Variants in SOX5 observed in about 807,000 individuals in gnomAD.
SOX5 encodes the protein SRY-box transcription factor 5.
A neutral mutation model predicts 92.0 loss-of-function variants in SOX5; 9 were observed. The ratio of observed to expected loss-of-function variants is 0.10; its 90% confidence interval spans 0.06 to 0.17. The LOEUF (loss-of-function observed/expected upper bound fraction) is 0.17, where lower values mean the gene tolerates loss of function less well. Among genes scored for constraint, SOX5 ranks in the 10% least tolerant of loss-of-function variants. SOX5 has a pLI of 1.00. For synonymous variants in SOX5, 344 were observed against 336.3 expected (o/e 1.02, Z -0.25); for missense variants, 642 against 944.5 (o/e 0.68, Z 4.20).
chr12:23,963,824 T>C (rs2140049780), intron 4 of SOX5, among the ~76,000 whole-genome samples: 1 of 150,752 alleles, frequency 6.6e-6, no homozygotes, highest in South Asian at 2.1e-4. Flanking sequence ...AGCTTTTGGA[T>C]TAGAGGTATA....
chr12:23,768,765 T>C (rs2094823124), intron 3 of SOX5, among the ~76,000 whole-genome samples: 2 of 152,134 alleles, frequency 1.3e-5, no homozygotes, highest in African/African-American at 4.8e-5. Flanking sequence ...GTCATTGCAA[T>C]AAATTTGTAA....
intron 3 of SOX5, among the ~76,000 whole-genome samples, chr12:24,228,881 C>G (rs1428581930): frequency 6.6e-6 from 1 of 152,204 alleles, no homozygotes; most frequent in Non-Finnish European, 1.5e-5. Context: ...CCCTGGCCTT[C>G]CTTCTCCATG....
At chr12:24,176,881 T>G (rs1365353901) in intron 4 of SOX5, among the ~76,000 whole-genome samples, 1 of 152,218 alleles carries the variant, frequency 6.6e-6, no homozygotes, top group Non-Finnish European at 1.5e-5. Context: ...TTATTTCTGA[T>G]GATTACTTGT....
At chr12:24,014,341 AG>A (rs1472250979) in intron 4 of SOX5, among the ~76,000 whole-genome samples, 1 of 152,206 alleles carries the variant, frequency 6.6e-6, no homozygotes, top group Non-Finnish European at 1.5e-5. Flanking sequence ...AATATGAGGG[AG>A]AAAGCATTAT....
At chr12:23,990,323 C>T (rs1950450741) in intron 4 of SOX5, among the ~76,000 whole-genome samples, 1 of 152,050 alleles carries the variant, frequency 6.6e-6, no homozygotes, top group African/African-American at 2.4e-5. Flanking sequence ...TCCCATTATC[C>T]ACAGAATCAT....
intron 3 of SOX5, among the ~76,000 whole-genome samples, chr12:23,784,642 A>G (rs569326607): frequency 1.9e-3 from 283 of 152,258 alleles, no homozygotes; most frequent in African/African-American, 6.6e-3. Flanking sequence ...TTTTATTTAC[A>G]CATCAAATTT....
At chr12:23,791,404 G>A (rs2095472885) in intron 3 of SOX5, among the ~76,000 whole-genome samples, 1 of 152,114 alleles carries the variant, frequency 6.6e-6, no homozygotes, top group African/African-American at 2.4e-5. Context: ...AGGGCTCAAG[G>A]GATCCTCCTG....
At chr12:23,734,835 T>G (rs907879277) in intron 5 of SOX5, 83 bp from the exon 6 acceptor site, 3 of 1,052,410 alleles carry the variant, frequency 2.9e-6, no homozygotes, top group Non-Finnish European at 4.4e-6. Context: ...TCTCAAAGTT[T>G]GATTTGACAC....
At chr12:24,405,995 T>C (rs148943637) in intron 1 of SOX5, among the ~76,000 whole-genome samples, 532 of 152,182 alleles carry the variant, frequency 3.5e-3, no homozygotes, top group African/African-American at 0.012. Context: ...TGGGCCTGTA[T>C]GTACCCCCTG....
intron 2 of SOX5, among the ~76,000 whole-genome samples, chr12:24,306,857 G>A (rs1948627922): frequency 6.6e-6 from 1 of 152,114 alleles, no homozygotes; most frequent in African/African-American, 2.4e-5. Flanking sequence ...TAAGGGCAAG[G>A]CAGCTACTAT....
At chr12:23,778,010 GGCTCCACCA>G (rs1306488742) in intron 3 of SOX5, among the ~76,000 whole-genome samples, 1 of 152,100 alleles carries the variant, frequency 6.6e-6, no homozygotes, top group African/African-American at 2.4e-5. Flanking sequence ...CTTCATCTGA[GGCTCCACCA>G]AAGAAATGGC....
chr12:24,276,119 C>T (rs1482457344), intron 3 of SOX5, among the ~76,000 whole-genome samples: 3 of 151,870 alleles, frequency 2.0e-5, no homozygotes, highest in Non-Finnish European at 4.4e-5. Flanking sequence ...GGTATTTTTG[C>T]CTGTAAACCT....
At chr12:24,193,240 A>G (rs541255243) in intron 4 of SOX5, among the ~76,000 whole-genome samples, 1 of 152,356 alleles carries the variant, frequency 6.6e-6, no homozygotes, top group African/African-American at 2.4e-5. Context: ...CGATTTGGAA[A>G]CTGACCAGAA....
In SOX5 at chr12:24,085,642, T is replaced by C. The variant is rs553067047; in HGVS notation, c.-2+127701A>G. On this transcript the variant is annotated intron_variant, in intron 4 of 4. Transcript: ENST00000446891. Reference sequence around the variant, plus strand: ...CACCTTAGAAACTACTATTTTCTTATGTAATTACTTCCTAATAAATGGGAG... The same window carrying C: ...CACCTTAGAAACTACTATTTTCTTACGTAATTACTTCCTAATAAATGGGAG... Among the ~76,000 whole-genome samples the C allele has an allele frequency of 1.3e-5, 2 of 152,218 alleles. 1 individual carries two copies. Among genetic ancestry groups the C allele is most frequent in the African/African-American group, 4.8e-5 (2 of 41,544 alleles).
chr12:23,716,042 A>G (rs2092473318), intron 6 of SOX5, among the ~76,000 whole-genome samples: 1 of 152,146 alleles, frequency 6.6e-6, no homozygotes, highest in Admixed American at 6.5e-5. Context: ...CTTGAAGCTT[A>G]CCAAAAATTT....
intron 4 of SOX5, among the ~76,000 whole-genome samples, chr12:24,095,120 CACACACACAGAGAG>C (rs770792283): frequency 0.16 from 16,743 of 101,562 alleles, 1,094 homozygotes; most frequent in South Asian, 0.37. Flanking sequence ...CACACACACA[CACACACACAGAGAG>C]AGAGAGAGAG....
At chr12:24,229,617 T>C (rs963183063) in intron 3 of SOX5, among the ~76,000 whole-genome samples, 4 of 152,232 alleles carry the variant, frequency 2.6e-5, no homozygotes, top group African/African-American at 7.2e-5. Flanking sequence ...TCATTTATTA[T>C]TTGTAAATCA....
intron 2 of SOX5, among the ~76,000 whole-genome samples, chr12:24,338,446 G>A (rs1030136883): frequency 3.9e-5 from 6 of 152,144 alleles, no homozygotes; most frequent in African/African-American, 1.4e-4. Flanking sequence ...AAAGTGAAAT[G>A]TAGAAAAGTG....
chr12:23,902,562 G>A (rs1422022828), intron 1 of SOX5, among the ~76,000 whole-genome samples: 1 of 148,938 alleles, frequency 6.7e-6, no homozygotes, highest in Non-Finnish European at 1.5e-5. Flanking sequence ...AACTTTTTCA[G>A]TTGCATGCAT....
Sources: allele counts gnomAD v4.1 joint callset (sites outside exome capture counted in the v4.1 genomes callset), GRCh38; gene constraint gnomAD v4.1.1; transcripts MANE v1.5; gene names NCBI Gene and HGNC (gene_info 2026-07-23, HGNC 2026-07-21).